SIPA1L1: variants seen among roughly 807,000 people sequenced by gnomAD.
The protein encoded by SIPA1L1 is signal-induced proliferation-associated 1-like protein 1.
A neutral mutation model predicts 162.7 loss-of-function variants in SIPA1L1; 26 were observed. The ratio of observed to expected loss-of-function variants is 0.16; its 90% CI spans 0.12 to 0.22. SIPA1L1 has a LOEUF of 0.22. SIPA1L1 is among the 10% of genes least tolerant of loss of function. SIPA1L1 has a pLI of 1.00. For missense variants in SIPA1L1, 1,874 were observed against 2,241.0 expected (o/e 0.84, Z 3.31); for synonymous variants, 829 against 837.4 (o/e 0.99, Z 0.17).
intron 2 of SIPA1L1, among the ~76,000 whole-genome samples, chr14:71,491,728 G>T (rs2143003274): frequency 6.8e-6 from 1 of 147,192 alleles, no homozygotes; most frequent in African/African-American, 2.5e-5. Flanking sequence ...TTACAGGCGT[G>T]AGCCACCGTT....
Position 71,658,316 on chromosome 14 carries a change from A to ATT in SIPA1L1, c.1994-10_1994-9dup. 1 of 1,280,470 alleles carries ATT rather than the reference A, an allele frequency of 7.8e-7. No individual in the cohort carries two copies. Among genetic ancestry groups the ATT allele is most frequent in the Admixed American group, 1.7e-5 (1 of 57,826 alleles). The allele number at this position is 1,280,470 out of a possible 1,614,324, so 79.3% of individuals were successfully genotyped here. ...CCTGTTATAGTCATCTCATCATTATATTTTTTTTAACTGTAGCTGACTCCA... is the reference window on the plus strand; with the variant it reads ...CCTGTTATAGTCATCTCATCATTATATTTTTTTTTTAACTGTAGCTGACTCCA... On this transcript the variant is annotated splice_polypyrimidine_tract_variant and intron_variant, in intron 8 of 23. Transcript: ENST00000381232.
chr14:71,374,552 A>G (rs1158566291), intron 2 of SIPA1L1, among the ~76,000 whole-genome samples: 1 of 151,916 alleles, frequency 6.6e-6, no homozygotes, highest in Non-Finnish European at 1.5e-5. Flanking sequence ...AGAAATCTAA[A>G]GTATATTATT....
At chr14:71,354,678 T>C (rs2037070579) in intron 2 of SIPA1L1, among the ~76,000 whole-genome samples, 1 of 152,154 alleles carries the variant, frequency 6.6e-6, no homozygotes, top group African/African-American at 2.4e-5. Context: ...TTGAGAGTCA[T>C]CGTAGTAACT....
chr14:71,672,540 G>C lies in SIPA1L1; in HGVS notation c.3022G>C (p.Glu1008Gln). The change falls in exon 12 of 24, where the codon GAG (glutamate) becomes CAG (glutamine). Residue 1008 changes from glutamate (E) to glutamine (Q), a missense_variant. Physicochemically the swap from Glu to Gln is conservative, Grantham distance 29 (BLOSUM62 2). Coordinates refer to ENST00000381232, the MANE Select transcript of SIPA1L1 (RefSeq NM_001386936.1). ...GGTGGCGGTAGCCACTCTGAGCCAT[G>C]AGCAGATGATCGACCTCCTGAGAAC... ...CKVAVATLSH[E>Q]QMIDLLRTSV... The C allele has an allele frequency of 6.2e-7, 1 of 1,614,212 alleles. No homozygotes were observed. Among genetic ancestry groups the C allele is most frequent in the East Asian group, 2.2e-5 (1 of 44,882 alleles).
At chr14:71,366,582 C>T (rs1217467706) in intron 2 of SIPA1L1, among the ~76,000 whole-genome samples, 2 of 152,058 alleles carry the variant, frequency 1.3e-5, no homozygotes, top group African/African-American at 4.8e-5. Flanking sequence ...TACAGGCGCC[C>T]GCCACCATGC....
In SIPA1L1 at chr14:71,709,357, A is replaced by T; in HGVS notation, c.3901A>T (p.Thr1301Ser). 6.2e-7 allele frequency: 1 copy of T among 1,614,162 alleles called. No individual in the cohort carries two copies. Among genetic ancestry groups the T allele is most frequent in the Non-Finnish European group, 8.5e-7 (1 of 1,180,022 alleles). ...CAACAGCTATAACTATCTGCAAGGCACCTCTGCTGACAGTGGCATTGACAC... is the reference window on the plus strand; with the variant it reads ...CAACAGCTATAACTATCTGCAAGGCTCCTCTGCTGACAGTGGCATTGACAC... ...ELNSYNYLQG[T>S]SADSGIDTTS... Residue 1301 changes from threonine (T) to serine (S), a missense_variant, in exon 17 of 24, where the codon ACC becomes TCC. Thr to Ser is a moderately conservative substitution (Grantham distance 58). This residue lies in a region of SIPA1L1 where 936 missense variants were observed against 1,051.9 expected (regional missense o/e 0.89). Transcript: ENST00000381232.
Position 71,597,653 on chromosome 14 carries a change from G to C in SIPA1L1, c.1498+8283G>C, listed in dbSNP as rs142039408. On this transcript the variant is annotated intron_variant, in intron 5 of 23. Transcript: ENST00000381232. ...ACCCACATGTGTGTCAAAATTAGAA[G>C]GGTTTTATCATGTTCCACTCTTGCA... 5.9e-3 allele frequency among the ~76,000 whole-genome samples: 899 copies of C among 152,240 alleles called. 19 individuals are homozygous for C. The highest frequency in any genetic ancestry group is 0.051 in the Admixed American group (777 of 15,288).
chr14:71,565,765 CT>C (rs2146791020), intron 4 of SIPA1L1, among the ~76,000 whole-genome samples: 1 of 152,040 alleles, frequency 6.6e-6, no homozygotes, highest in South Asian at 2.1e-4. Context: ...ATGTAATTTC[CT>C]GTGTATTACT....
chr14:71,571,072 G>A lies in SIPA1L1; in HGVS notation c.-302-16499G>A, dbSNP rs143310388. On this transcript the variant is annotated intron_variant, in intron 4 of 23. Transcript: ENST00000381232. ...GGCCTTCCAAAGTGCTGGGATTATA[G>A]GCATGGGGCACTGCACCTGGCCAGA... Among the ~76,000 whole-genome samples the A allele has an allele frequency of 1.7e-3, 266 of 152,342 alleles. 1 individual carries two copies. The highest frequency in any genetic ancestry group is 6.2e-3 in the African/African-American group (258 of 41,576).
intron 2 of SIPA1L1, among the ~76,000 whole-genome samples, chr14:71,391,892 G>A (rs918081949): frequency 6.6e-6 from 1 of 152,210 alleles, no homozygotes; most frequent in Admixed American, 6.5e-5. Context: ...AGATCAAGGT[G>A]TATTGAGCAG....
intron 13 of SIPA1L1, among the ~76,000 whole-genome samples, chr14:71,690,294 G>A (rs1436102237): frequency 6.6e-6 from 1 of 151,796 alleles, no homozygotes; most frequent in African/African-American, 2.4e-5. Flanking sequence ...CTCTGTCGCA[G>A]TGGCATTGAT....
chr14:71,364,991 C>T (rs2038153251), intron 2 of SIPA1L1, among the ~76,000 whole-genome samples: 1 of 152,086 alleles, frequency 6.6e-6, no homozygotes, highest in African/African-American at 2.4e-5. Flanking sequence ...AAGTGATGCA[C>T]CTGCCTTAGC....
Position 71,506,731 on chromosome 14 carries a change from G to T in SIPA1L1, c.-464-6012G>T, listed in dbSNP as rs114394124. Among the ~76,000 whole-genome samples, 523 of 150,816 alleles carry T rather than the reference G, an allele frequency of 3.5e-3. 2 individuals are homozygous for T. Among genetic ancestry groups the T allele is most frequent in the African/African-American group, 0.012 (499 of 41,178 alleles). ...AATGTTTATTTTTTTGATTGTTAAG[G>T]GTATTTTTACATGTTTAATATGGAA... On this transcript the variant is annotated intron_variant, in intron 2 of 23. Coordinates refer to ENST00000381232, the MANE Select transcript of SIPA1L1 (RefSeq NM_001386936.1).
intron 2 of SIPA1L1, among the ~76,000 whole-genome samples, chr14:71,496,494 A>G (rs890913453): frequency 2.0e-5 from 3 of 152,274 alleles, no homozygotes; most frequent in East Asian, 1.9e-4. Flanking sequence ...TATTATTTCA[A>G]TCCTTCTAAA....
intron 5 of SIPA1L1, among the ~76,000 whole-genome samples, chr14:71,609,485 G>T (rs796596386): frequency 4.3e-5 from 6 of 138,342 alleles, no homozygotes; most frequent in African/African-American, 1.6e-4. Flanking sequence ...TTTATTTATT[G>T]AGATGGAGTC....
rs149037155 is a variant in SIPA1L1, at chr14:71,432,651, G to A, written c.-464-80092G>A. On this transcript the variant is annotated intron_variant, in intron 2 of 23. Coordinates refer to ENST00000381232, the MANE Select transcript of SIPA1L1 (RefSeq NM_001386936.1). ...TATGGTCAGCCTCAGCAGAGAGTGG[G>A]ACTGAGAGACAGGAGGGCAGGAGAA... Among the ~76,000 whole-genome samples the A allele has an allele frequency of 8.6e-4, 131 of 152,278 alleles. 2 individuals carry two copies. The highest frequency in any genetic ancestry group is 8.5e-3 in the South Asian group (41 of 4,826).
At chr14:71,545,729 G>A (rs2055128699) in intron 4 of SIPA1L1, among the ~76,000 whole-genome samples, 1 of 152,122 alleles carries the variant, frequency 6.6e-6, no homozygotes, top group South Asian at 2.1e-4. Flanking sequence ...GCTGTGGAGT[G>A]CTAAGTAGGA....
chr14:71,534,952 T>A (rs1031516525), intron 4 of SIPA1L1, among the ~76,000 whole-genome samples: 3 of 152,242 alleles, frequency 2.0e-5, no homozygotes, highest in Middle Eastern at 3.4e-3. Context: ...TCAAGGAAAA[T>A]CTCATTTAAT....
chr14:71,659,093 G>A (rs2043297648), intron 9 of SIPA1L1, among the ~76,000 whole-genome samples: 1 of 152,176 alleles, frequency 6.6e-6, no homozygotes, highest in African/African-American at 2.4e-5. Flanking sequence ...TTGTTTTAGG[G>A]AATATGTGGT....
Sources: gnomAD v4.1 joint callset for allele counts (sites outside exome capture counted in the v4.1 genomes callset) on GRCh38, gnomAD v4.1.1 for gene constraint, gnomAD v4.1.1 regional missense constraint, MANE v1.5 for transcripts, NCBI Gene and HGNC (gene_info 2026-07-23, HGNC 2026-07-21) for gene names.